PALLD: variants seen among roughly 807,000 people sequenced by gnomAD.
The protein encoded by PALLD is palladin.
A neutral mutation model predicts 123.5 loss-of-function variants in PALLD; 61 were observed. That is an observed-to-expected ratio of 0.49 (90% CI 0.40 to 0.61). PALLD has a LOEUF of 0.61. Among genes scored for constraint, PALLD ranks in the 20% least tolerant of loss-of-function variants. PALLD has a pLI of 0.00. For missense variants in PALLD, 1,273 were observed against 1,377.0 expected (o/e 0.92, Z 1.20); for synonymous variants, 465 against 496.4 (o/e 0.94, Z 0.84).
chr4:168,768,129 A>G (rs375882285), intron 10 of PALLD, among the ~76,000 whole-genome samples: 194 of 152,234 alleles, frequency 1.3e-3, no homozygotes, highest in African/African-American at 4.4e-3. Flanking sequence ...TCCGCATTCC[A>G]CTGGAATCCC....
intron 1 of PALLD, among the ~76,000 whole-genome samples, chr4:168,506,996 A>T (rs1219956763): frequency 6.6e-6 from 1 of 152,028 alleles, no homozygotes; most frequent in Non-Finnish European, 1.5e-5. Context: ...GACCTTATGC[A>T]TTCCCATGTC....
chr4:168,772,585 G>C (rs919501231), intron 10 of PALLD, among the ~76,000 whole-genome samples: 2 of 152,114 alleles, frequency 1.3e-5, no homozygotes, highest in Admixed American at 1.3e-4. Context: ...TAAATAGAGG[G>C]TTTCTATATT....
In PALLD at chr4:168,925,274, C is replaced by A. The variant is rs189038181; in HGVS notation, c.*28C>A. 30 of 1,602,070 alleles carry A rather than the reference C, an allele frequency of 1.9e-5. No homozygotes were observed. The highest frequency in any genetic ancestry group is 2.5e-5 in the Non-Finnish European group (29 of 1,169,030). On this transcript the variant is annotated 3_prime_UTR_variant, in exon 21 of 22. Coordinates refer to ENST00000505667, the MANE Select transcript of PALLD (RefSeq NM_001166108.2). Reference sequence around the variant, plus strand: ...GTGAACCACACCAGGAGAACAAATACCCAAGTATCATTCAGGAACTTTGAA... The same window carrying A: ...GTGAACCACACCAGGAGAACAAATAACCAAGTATCATTCAGGAACTTTGAA...
chr4:168,667,766 G>C (rs1249056819), intron 2 of PALLD, among the ~76,000 whole-genome samples: 2 of 151,658 alleles, frequency 1.3e-5, no homozygotes, highest in African/African-American at 2.4e-5. Flanking sequence ...TTTTTAACAT[G>C]ATGATAAGTT....
intron 2 of PALLD, among the ~76,000 whole-genome samples, chr4:168,554,662 A>G (rs941948879): frequency 6.6e-5 from 10 of 152,214 alleles, no homozygotes; most frequent in African/African-American, 2.4e-4. Context: ...GATTTTTGTT[A>G]TGGAGCAATT....
At chr4:168,638,178 C>T (rs1382201360) in intron 2 of PALLD, among the ~76,000 whole-genome samples, 1 of 152,148 alleles carries the variant, frequency 6.6e-6, no homozygotes, top group Non-Finnish European at 1.5e-5. Context: ...CACCTTTAAT[C>T]CTCACAAAAA....
intron 10 of PALLD, among the ~76,000 whole-genome samples, chr4:168,880,408 T>G (rs1752450161): frequency 6.6e-6 from 1 of 152,224 alleles, no homozygotes; most frequent in Admixed American, 6.5e-5. Context: ...AGACTACAGA[T>G]TTTTAGCTCC....
intron 10 of PALLD, among the ~76,000 whole-genome samples, chr4:168,833,899 G>C (rs540297207): frequency 1.3e-5 from 2 of 150,012 alleles, no homozygotes; most frequent in East Asian, 3.9e-4. Flanking sequence ...CTTTGTGTGA[G>C]TGTAAGATTT....
intron 2 of PALLD, among the ~76,000 whole-genome samples, chr4:168,654,082 A>C (rs376320601): frequency 1.8e-4 from 28 of 152,272 alleles, no homozygotes; most frequent in African/African-American, 6.0e-4. Flanking sequence ...CAGCCTTCTA[A>C]GTAGCTGGGA....
intron 10 of PALLD, among the ~76,000 whole-genome samples, chr4:168,758,104 C>T (rs1364975827): frequency 6.6e-6 from 1 of 151,910 alleles, no homozygotes; most frequent in African/African-American, 2.4e-5. Flanking sequence ...ATCATAGGGA[C>T]CATTTAAAAT....
intron 10 of PALLD, among the ~76,000 whole-genome samples, chr4:168,873,040 C>T (rs1751291273): frequency 6.6e-6 from 1 of 152,192 alleles, no homozygotes; most frequent in South Asian, 2.1e-4. Context: ...CACCTAGCAG[C>T]TTACCCCTAA....
intron 10 of PALLD, among the ~76,000 whole-genome samples, chr4:168,840,318 C>T (rs892377801): frequency 2.0e-5 from 3 of 152,104 alleles, no homozygotes; most frequent in African/African-American, 7.2e-5. Flanking sequence ...CAGGGAGAAG[C>T]TTTTATTTGC....
chr4:168,701,354 C>T (rs557146059), intron 8 of PALLD, among the ~76,000 whole-genome samples: 2 of 152,360 alleles, frequency 1.3e-5, no homozygotes, highest in South Asian at 4.1e-4. Flanking sequence ...TTATGCAGGG[C>T]TTCAGAGACC....
At chr4:168,887,767 C>CTTTTTACATAGGGTCTGAT (rs1753568163) in intron 10 of PALLD, among the ~76,000 whole-genome samples, 1 of 152,150 alleles carries the variant, frequency 6.6e-6, no homozygotes, top group Admixed American at 6.5e-5. Flanking sequence ...CTGGGCCTGA[C>CTTTTTACATAGGGTCTGAT]TTTTTACATA....
At chr4:168,603,712 G>A (rs1383803977) in intron 2 of PALLD, among the ~76,000 whole-genome samples, 1 of 152,128 alleles carries the variant, frequency 6.6e-6, no homozygotes, top group Non-Finnish European at 1.5e-5. Context: ...AAAAAATTAA[G>A]CGTTGTGCCC....
chr4:168,660,660 G>T (rs2075616771), intron 2 of PALLD, among the ~76,000 whole-genome samples: 1 of 151,932 alleles, frequency 6.6e-6, no homozygotes, highest in South Asian at 2.1e-4. Context: ...CAAAATCCCA[G>T]CACAGAATAG....
intron 10 of PALLD, among the ~76,000 whole-genome samples, chr4:168,772,958 G>A (rs1204117789): frequency 6.6e-6 from 1 of 152,242 alleles, no homozygotes; most frequent in East Asian, 1.9e-4. Flanking sequence ...GGCATGGAGT[G>A]GGTCACTGGC....
intron 3 of PALLD, among the ~76,000 whole-genome samples, chr4:168,679,013 A>T: frequency 8.4e-6 from 1 of 118,666 alleles, no homozygotes; most frequent in Non-Finnish European, 1.7e-5. Flanking sequence ...TATGTGTAGC[A>T]TGGGTATAGT....
chr4:168,526,749 A>T (rs1764089006), intron 2 of PALLD, among the ~76,000 whole-genome samples: 1 of 152,172 alleles, frequency 6.6e-6, no homozygotes, highest in Non-Finnish European at 1.5e-5. Flanking sequence ...ACCTGTATGG[A>T]TAATTTTATC....
Sources: allele counts gnomAD v4.1 joint callset (sites outside exome capture counted in the v4.1 genomes callset), GRCh38; gene constraint gnomAD v4.1.1; transcripts MANE v1.5; gene names NCBI Gene and HGNC (gene_info 2026-07-23, HGNC 2026-07-21).